STAM: variants seen among roughly 807,000 people sequenced by gnomAD.
STAM encodes signal transducing adaptor molecule, also known as signal transducing adapter molecule 1.
A neutral mutation model predicts 63.4 loss-of-function variants in STAM; 16 were observed. The ratio of observed to expected loss-of-function variants is 0.25; its 90% CI spans 0.17 to 0.38. The LOEUF is 0.38. Ranked by LOEUF, STAM falls within the 10% of genes least tolerant of loss-of-function variation. STAM has a pLI of 1.00. For synonymous variants in STAM, 238 were observed against 223.9 expected (o/e 1.06, Z -0.56); for missense variants, 636 against 657.1 (o/e 0.97, Z 0.35).
At chr10:17,679,580 T>G (rs1478387519) in intron 2 of STAM, among the ~76,000 whole-genome samples, 1 of 110,644 alleles carries the variant, frequency 9.0e-6, no homozygotes, top group African/African-American at 3.2e-5. Context: ...TTTGCGTGTG[T>G]TTTTTTTTTT....
At position 17,689,888 on chromosome 10, in the gene STAM, G is replaced by A. The variant is rs1045311412; in HGVS notation, c.444+1715G>A. ...AGATCTTCAGAGGATTTATATGCAC[G>A]TTGAGGTCTGAGAAGCACTGCTGCT... is the stretch of plus-strand genomic sequence containing the variant. On this transcript the variant is annotated intron_variant, in intron 5 of 13. Coordinates refer to ENST00000377524, the MANE Select transcript of STAM (RefSeq NM_003473.4). Among the ~76,000 whole-genome samples, 6 of 152,222 alleles carry A rather than the reference G, an allele frequency of 3.9e-5. No individual in the cohort carries two copies. The South Asian group carries it at 8.3e-4, about 21-fold the overall frequency.
chr10:17,662,655 C>T (rs1444423955), intron 2 of STAM, among the ~76,000 whole-genome samples: 2 of 152,224 alleles, frequency 1.3e-5, no homozygotes, highest in Admixed American at 6.5e-5. Context: ...CAAATCTTGG[C>T]TCTAGCCATT....
At chr10:17,678,894 G>A (rs1349794719) in intron 2 of STAM, among the ~76,000 whole-genome samples, 3 of 152,042 alleles carry the variant, frequency 2.0e-5, no homozygotes, top group African/African-American at 7.3e-5. Context: ...GTGCTTTTGT[G>A]TCAGACTTAT....
intron 12 of STAM, among the ~76,000 whole-genome samples, chr10:17,705,966 G>A (rs1836247939): frequency 6.6e-6 from 1 of 151,632 alleles, no homozygotes; most frequent in Non-Finnish European, 1.5e-5. Context: ...CTCTCGAAAA[G>A]CTGAGGTGGG....
chr10:17,656,424 G>C (rs928889323), intron 1 of STAM, among the ~76,000 whole-genome samples: 1 of 151,934 alleles, frequency 6.6e-6, no homozygotes, highest in Non-Finnish European at 1.5e-5. Context: ...TAACTTCACT[G>C]TAGGTTGGTC....
intron 8 of STAM, among the ~76,000 whole-genome samples, chr10:17,699,548 G>A (rs1032097723): frequency 6.6e-6 from 1 of 152,158 alleles, no homozygotes; most frequent in African/African-American, 2.4e-5. Context: ...ATGAATTGTT[G>A]ATCCCTCAAT....
In STAM at chr10:17,657,450, TTTGGTA is replaced by T. The variant is rs567838016; in HGVS notation, c.41-3012_41-3007del. 6.0e-4 allele frequency among the ~76,000 whole-genome samples: 91 copies of T among 152,294 alleles called. No individual in the cohort carries two copies. In the South Asian group the frequency reaches 8.9e-3, roughly 15 times the overall value. The stretch of plus-strand genomic sequence containing the variant: ...TTTTCTTGTAATGTTTTTGTCTGGT[TTTGGTA>T]TCAGAGTAATGCTGGCCTCACAGAA... On this transcript the variant is annotated intron_variant, in intron 1 of 13. Coordinates refer to ENST00000377524, the MANE Select transcript of STAM (RefSeq NM_003473.4).
intron 5 of STAM, among the ~76,000 whole-genome samples, chr10:17,690,685 C>G (rs993475536): frequency 9.2e-5 from 14 of 152,108 alleles, no homozygotes; most frequent in Non-Finnish European, 2.1e-4. Flanking sequence ...ACAAAAACCT[C>G]TGAAGATATA....
In STAM at chr10:17,708,905, G is replaced by A. The variant is rs368172602; in HGVS notation, c.1339G>A (p.Ala447Thr). ...CAGCCAGGCAGTGGTCCCACCATCC[G>A]CAAACCCAGCCCTTCCTAGTCAGCA... Reference protein sequence around the residue: ...SLSQAVVPPSANPALPSQQTQ... With the variant: ...SLSQAVVPPSTNPALPSQQTQ... The change falls in exon 13 of 14, where the codon GCA (alanine) becomes ACA (threonine). Residue 447 changes from alanine to threonine, a missense_variant. This residue lies in a region of STAM where 532 missense variants were observed against 536.9 expected (regional missense o/e 0.99). Coordinates refer to ENST00000377524, the MANE Select transcript of STAM (RefSeq NM_003473.4). 5 of 1,613,916 alleles carry A rather than the reference G, an allele frequency of 3.1e-6. No individual in the cohort carries two copies. The highest frequency in any genetic ancestry group is 1.3e-5 in the African/African-American group (1 of 74,892).
At chr10:17,664,067 CTT>C (rs1834280458) in intron 2 of STAM, among the ~76,000 whole-genome samples, 1 of 150,008 alleles carries the variant, frequency 6.7e-6, no homozygotes, top group Non-Finnish European at 1.5e-5. Flanking sequence ...CTTTTTTCTT[CTT>C]GTTTTAAAAG....
intron 5 of STAM, among the ~76,000 whole-genome samples, chr10:17,692,527 G>T (rs1564558676): frequency 6.6e-6 from 1 of 152,200 alleles, no homozygotes; most frequent in Non-Finnish European, 1.5e-5. Context: ...AGGTTGGTAA[G>T]ATAGGCTAAA....
At chr10:17,676,066 C>G (rs1410431391) in intron 2 of STAM, among the ~76,000 whole-genome samples, 2 of 151,928 alleles carry the variant, frequency 1.3e-5, no homozygotes, top group African/African-American at 4.8e-5. Flanking sequence ...CACATTTGCC[C>G]TAAGAGCTTC....
At chr10:17,705,118 A>AT in intron 11 of STAM, 94 bp downstream of exon 11, 2 of 1,022,606 alleles carry the variant, frequency 2.0e-6, no homozygotes, top group East Asian at 2.4e-5. Flanking sequence ...TTAAAAAAAA[A>AT]ATATTGTGGA....
chr10:17,655,917 T>A (rs1225745776), intron 1 of STAM, among the ~76,000 whole-genome samples: 2 of 151,548 alleles, frequency 1.3e-5, no homozygotes, highest in African/African-American at 4.9e-5. Flanking sequence ...ATATAATGAT[T>A]TTTTTAAAGT....
At chr10:17,651,909 C>T (rs1253018188) in intron 1 of STAM, among the ~76,000 whole-genome samples, 1 of 152,166 alleles carries the variant, frequency 6.6e-6, no homozygotes, top group Non-Finnish European at 1.5e-5. Flanking sequence ...AGATCTTTGA[C>T]AGTGATAAAT....
Position 17,714,843 on chromosome 10 carries a change from A to G in STAM, c.*63A>G, listed in dbSNP as rs1311288548. On this transcript the variant is annotated 3_prime_UTR_variant, in exon 14 of 14. Coordinates refer to ENST00000377524, the MANE Select transcript of STAM (RefSeq NM_003473.4). ...TGCCACTGACAATGTTATGAGATTC[A>G]TTACTATCTTAAGATGTGTTTATCC... 13 of 1,417,486 alleles carry G rather than the reference A, an allele frequency of 9.2e-6. No individual in the cohort carries two copies. In the Admixed American group the frequency reaches 2.2e-4, roughly 24 times the overall value. 87.8% of individuals were successfully genotyped at this position (1,417,486 alleles called of 1,614,324 possible).
intron 2 of STAM, among the ~76,000 whole-genome samples, chr10:17,677,247 C>A (rs10904991): frequency 0.1 from 15,900 of 152,080 alleles, 895 homozygotes; most frequent in Middle Eastern, 0.16. Flanking sequence ...CATTTCAACA[C>A]CCCTTTCCCC....
chr10:17,705,109 TAAAAAAAAA>T, intron 11 of STAM, 85 bp downstream of exon 11: 2 of 1,024,656 alleles, frequency 2.0e-6, no homozygotes, highest in Non-Finnish European at 2.9e-6. Flanking sequence ...AACTGCCTTT[TAAAAAAAAA>T]ATATTGTGGA....
intron 2 of STAM, among the ~76,000 whole-genome samples, chr10:17,663,563 C>G (rs1163365425): frequency 6.6e-6 from 1 of 151,640 alleles, no homozygotes; most frequent in African/African-American, 2.4e-5. Context: ...CCTTTTTCTT[C>G]TTTTTTCTTC....
Sources: allele counts gnomAD v4.1 joint callset (sites outside exome capture counted in the v4.1 genomes callset), GRCh38; gene constraint gnomAD v4.1.1; regional missense constraint gnomAD v4.1.1; transcripts MANE v1.5; gene names NCBI Gene and HGNC (gene_info 2026-07-23, HGNC 2026-07-21).